Variants in CHRM3 observed in about 807,000 individuals in gnomAD.
The protein encoded by CHRM3 is muscarinic acetylcholine receptor M3.
Under a neutral mutation model 41.8 loss-of-function variants are expected in CHRM3, and 11 were observed. That is an observed-to-expected ratio of 0.26 (90% CI 0.17 to 0.44). The LOEUF (loss-of-function observed/expected upper bound fraction) is 0.44, where lower values mean the gene tolerates loss of function less well. CHRM3 is among the 20% of genes least tolerant of loss of function. The pLI is 1.00. For missense variants in CHRM3, 571 were observed against 745.4 expected (o/e 0.77, Z 2.72); for synonymous variants, 297 against 301.4 (o/e 0.99, Z 0.15).
chr1:239,784,773 A>T (rs1324666055), intron 5 of CHRM3, among the ~76,000 whole-genome samples: 1 of 151,990 alleles, frequency 6.6e-6, no homozygotes, highest in Non-Finnish European at 1.5e-5. Context: ...TTAGTGACTG[A>T]ATTAACTTAT....
At chr1:239,734,529 A>AT (rs915116450) in intron 5 of CHRM3, among the ~76,000 whole-genome samples, 10 of 151,758 alleles carry the variant, frequency 6.6e-5, no homozygotes, top group South Asian at 2.1e-4. Flanking sequence ...AGAATCAAGC[A>AT]TTTTTTTTCT....
intron 3 of CHRM3, among the ~76,000 whole-genome samples, chr1:239,630,302 C>G (rs1558396689): frequency 6.6e-6 from 1 of 152,122 alleles, no homozygotes; most frequent in Non-Finnish European, 1.5e-5. Context: ...TGTTGGGACT[C>G]CTAATTGTAA....
chr1:239,699,002 TA>T (rs1361540997), intron 5 of CHRM3, among the ~76,000 whole-genome samples: 1 of 152,168 alleles, frequency 6.6e-6, no homozygotes, highest in Non-Finnish European at 1.5e-5. Flanking sequence ...TAAAGAGTTT[TA>T]AAAAGAAGAA....
chr1:239,647,623 G>C (rs189426974), intron 4 of CHRM3, among the ~76,000 whole-genome samples: 19 of 152,042 alleles, frequency 1.2e-4, no homozygotes. Flanking sequence ...CCTCCGCTTA[G>C]ACATTTTCCC....
intron 5 of CHRM3, among the ~76,000 whole-genome samples, chr1:239,733,063 G>T (rs935845348): frequency 2.0e-5 from 3 of 152,036 alleles, no homozygotes; most frequent in African/African-American, 4.8e-5. Flanking sequence ...TTTCCCTCCA[G>T]ACGTCTCCAT....
At chr1:239,792,275 C>A (rs1669412443) in intron 5 of CHRM3, among the ~76,000 whole-genome samples, 1 of 152,190 alleles carries the variant, frequency 6.6e-6, no homozygotes, top group South Asian at 2.1e-4. Flanking sequence ...TTGCACCAGA[C>A]ACCAGGGAGC....
At chr1:239,422,392 T>G (rs1662020547) in intron 1 of CHRM3, among the ~76,000 whole-genome samples, 2 of 152,228 alleles carry the variant, frequency 1.3e-5, no homozygotes, top group South Asian at 4.1e-4. Context: ...TTTGTCTTTT[T>G]TTCTAGTTTA....
intron 4 of CHRM3, among the ~76,000 whole-genome samples, chr1:239,662,974 T>TCTTC (rs765068840): frequency 1.4e-5 from 2 of 144,950 alleles, no homozygotes; most frequent in African/African-American, 5.2e-5. Flanking sequence ...CCTTCTCCTC[T>TCTTC]CTTCCTTCCT....
chr1:239,816,143 A>G (rs1671562086), intron 5 of CHRM3, among the ~76,000 whole-genome samples: 1 of 152,070 alleles, frequency 6.6e-6, no homozygotes, highest in Non-Finnish European at 1.5e-5. Flanking sequence ...GCTGCCATCT[A>G]GGTGGCCTAG....
chr1:239,508,643 C>T lies in CHRM3; in HGVS notation c.-422+15836C>T, dbSNP rs531555273. 5.3e-5 allele frequency among the ~76,000 whole-genome samples: 8 copies of T among 152,254 alleles called. No homozygotes were observed. The South Asian group carries it at 6.2e-4, about 12-fold the overall frequency. On this transcript the variant is annotated intron_variant, in intron 2 of 6. Coordinates refer to ENST00000676153, the MANE Select transcript of CHRM3 (RefSeq NM_001375978.1). Reference sequence around the variant, plus strand: ...CTCCTATTTATAATTCCAGTGAGTACGTTCTTACGAAATCAGCCCTAGAGC... The same window carrying T: ...CTCCTATTTATAATTCCAGTGAGTATGTTCTTACGAAATCAGCCCTAGAGC...
chr1:239,662,835 CTCT>C (rs778302669), intron 4 of CHRM3, among the ~76,000 whole-genome samples: 8 of 149,060 alleles, frequency 5.4e-5, no homozygotes, highest in Non-Finnish European at 7.5e-5. Context: ...CTTCCTCCTC[CTCT>C]TCTTCTTCCT....
rs1558240731 is a variant in CHRM3 at position 239,913,743 on chromosome 1, G to GTAATC, written c.*4522_*4523insTCTAA. On this transcript the variant is annotated 3_prime_UTR_variant, in exon 7 of 7. Transcript: ENST00000676153. Reference sequence around the variant, plus strand: ...AGTTCATAAAATGACTATACCCCACGTAAGTTTGTAACTGCACAGTGTTTT... The same window carrying GTAATC: ...AGTTCATAAAATGACTATACCCCACGTAATCTAAGTTTGTAACTGCACAGTGTTTT... 1 of 166,996 alleles carries GTAATC rather than the reference G, an allele frequency of 6.0e-6. No individual in the cohort carries two copies. The highest frequency in any genetic ancestry group is 6.5e-5 in the Admixed American group (1 of 15,284). 10.3% of individuals were successfully genotyped at this position (166,996 alleles called of 1,614,324 possible).
At chr1:239,844,916 C>A (rs1674139882) in intron 6 of CHRM3, among the ~76,000 whole-genome samples, 1 of 152,142 alleles carries the variant, frequency 6.6e-6, no homozygotes, top group Non-Finnish European at 1.5e-5. Context: ...ACGGCCAGAA[C>A]TTTGTACATG....
intron 3 of CHRM3, among the ~76,000 whole-genome samples, chr1:239,589,767 AC>A (rs1663900857): frequency 3.3e-5 from 5 of 149,896 alleles, no homozygotes; most frequent in Non-Finnish European, 7.4e-5. Flanking sequence ...AAAGATGTCT[AC>A]ACAGGTAGGA....
chr1:239,579,754 G>A (rs1662694623), intron 3 of CHRM3, among the ~76,000 whole-genome samples: 1 of 152,244 alleles, frequency 6.6e-6, no homozygotes, highest in South Asian at 2.1e-4. Flanking sequence ...CACTTACATA[G>A]TACTCACTGT....
At chr1:239,758,104 A>C (rs1666389921) in intron 5 of CHRM3, among the ~76,000 whole-genome samples, 1 of 152,238 alleles carries the variant, frequency 6.6e-6, no homozygotes, top group Non-Finnish European at 1.5e-5. Context: ...ACTCTCCTGC[A>C]CTTAGCATGG....
chr1:239,885,604 T>G (rs1309623882), intron 6 of CHRM3, among the ~76,000 whole-genome samples: 3 of 152,174 alleles, frequency 2.0e-5, no homozygotes, highest in Non-Finnish European at 4.4e-5. Context: ...GTAATAACTT[T>G]GTTGCCAAAC....
intron 5 of CHRM3, among the ~76,000 whole-genome samples, chr1:239,796,839 C>A (rs1017545362): frequency 3.9e-5 from 6 of 152,022 alleles, no homozygotes; most frequent in African/African-American, 1.2e-4. Context: ...TCATTCCTCA[C>A]CCCCCTCCCA....
At chr1:239,419,482 T>G (rs1169113032) in intron 1 of CHRM3, among the ~76,000 whole-genome samples, 1 of 152,126 alleles carries the variant, frequency 6.6e-6, no homozygotes, top group Non-Finnish European at 1.5e-5. Flanking sequence ...GATTTTTCTT[T>G]TGGTTTGTGA....
Sources: allele counts gnomAD v4.1 joint callset (sites outside exome capture counted in the v4.1 genomes callset), GRCh38; gene constraint gnomAD v4.1.1; transcripts MANE v1.5; gene names NCBI Gene and HGNC (gene_info 2026-07-23, HGNC 2026-07-21).